ADGRB3: variants seen among roughly 807,000 people sequenced by gnomAD.
ADGRB3 encodes the protein adhesion G protein-coupled receptor B3, also known as brain-specific angiogenesis inhibitor 3.
In ADGRB3, 37 loss-of-function variants were observed where a neutral mutation model predicts 193.4. The observed-to-expected ratio is 0.19, with a 90% confidence interval of 0.15 to 0.25. The LOEUF (loss-of-function observed/expected upper bound fraction) is 0.25, where lower values mean the gene tolerates loss of function less well. Among genes scored for constraint, ADGRB3 ranks in the 10% least tolerant of loss-of-function variants. ADGRB3 has a pLI of 1.00. For synonymous variants in ADGRB3, 690 were observed against 644.2 expected (o/e 1.07, Z -1.08); for missense variants, 1,637 against 1,852.9 (o/e 0.88, Z 2.14).
intron 3 of ADGRB3, among the ~76,000 whole-genome samples, chr6:68,757,552 A>G (rs1302994716): frequency 6.6e-6 from 1 of 152,064 alleles, no homozygotes; most frequent in East Asian, 1.9e-4. Context: ...CTTATCTACC[A>G]GTGCTTTTAA....
At chr6:68,759,406 A>C (rs1454448522) in intron 3 of ADGRB3, among the ~76,000 whole-genome samples, 2 of 152,070 alleles carry the variant, frequency 1.3e-5, no homozygotes, top group Non-Finnish European at 2.9e-5. Context: ...TCAGTTCTTG[A>C]AAGATTATTT....
At chr6:68,655,026 C>G (rs957845840) in intron 3 of ADGRB3, among the ~76,000 whole-genome samples, 2 of 151,346 alleles carry the variant, frequency 1.3e-5, no homozygotes, top group Non-Finnish European at 3.0e-5. Flanking sequence ...GAGGAAGTCA[C>G]ATATATTATG....
At chr6:68,937,753 A>G (rs919688605) in intron 5 of ADGRB3, among the ~76,000 whole-genome samples, 17 of 152,166 alleles carry the variant, frequency 1.1e-4, no homozygotes, top group South Asian at 6.2e-4. Flanking sequence ...CCAGCAGAAT[A>G]TGCAAAGGGG....
intron 17 of ADGRB3, among the ~76,000 whole-genome samples, chr6:69,228,744 A>G (rs1766073650): frequency 1.3e-5 from 2 of 152,202 alleles, no homozygotes; most frequent in Non-Finnish European, 2.9e-5. Context: ...AAATCTTCTT[A>G]TAATTTCATA....
chr6:69,141,353 G>A (rs1374221313), intron 17 of ADGRB3, among the ~76,000 whole-genome samples: 3 of 152,010 alleles, frequency 2.0e-5, no homozygotes, highest in African/African-American at 7.2e-5. Flanking sequence ...TCGATCTGCT[G>A]ACCTCGTGAT....
chr6:68,922,081 T>C (rs1767059347), intron 3 of ADGRB3, among the ~76,000 whole-genome samples: 1 of 152,206 alleles, frequency 6.6e-6, no homozygotes, highest in Non-Finnish European at 1.5e-5. Context: ...AAGCACTGGC[T>C]TGTTAATTTA....
At chr6:69,206,427 A>C (rs1337882654) in intron 17 of ADGRB3, among the ~76,000 whole-genome samples, 1 of 152,096 alleles carries the variant, frequency 6.6e-6, no homozygotes, top group East Asian at 1.9e-4. Flanking sequence ...GTATTCTTCA[A>C]TTCAGTCAAA....
chr6:68,719,107 G>T (rs1214055197), intron 3 of ADGRB3, among the ~76,000 whole-genome samples: 2 of 151,766 alleles, frequency 1.3e-5, no homozygotes, highest in South Asian at 2.1e-4. Context: ...ATTGGTGAAA[G>T]GATGAAGAAT....
At position 69,048,291 on chromosome 6, in the gene ADGRB3, G is replaced by T. The variant is rs1463882498; in HGVS notation, c.2214G>T (p.Arg738Ser). 1.2e-6 allele frequency: 2 copies of T among 1,613,364 alleles called. No homozygotes were observed. The highest frequency in any genetic ancestry group is 1.7e-5 in the Admixed American group (1 of 59,970). Residue 738 changes from arginine to serine, a missense_variant, in exon 14 of 32, where the codon AGG (arginine) becomes AGT (serine). Physicochemically the swap from Arg to Ser is moderately radical, Grantham distance 110 (BLOSUM62 -1). This residue lies in a region of ADGRB3 where 641 missense variants were observed against 673.9 expected (regional missense o/e 0.95). Coordinates refer to ENST00000370598, the MANE Select transcript of ADGRB3 (RefSeq NM_001704.3). ...ACTGGGCAAGAAACTCAGAAGATAG[G>T]GTAGTAATTCCAAAAAGCATTTTCA... ...MVDWARNSEDRVVIPKSIFTP... is the reference protein window; with the variant it reads ...MVDWARNSEDSVVIPKSIFTP...
chr6:69,084,051 A>C (rs1164660325), intron 17 of ADGRB3, among the ~76,000 whole-genome samples: 3 of 152,102 alleles, frequency 2.0e-5, no homozygotes, highest in Middle Eastern at 3.2e-3. Context: ...CTGGGATTAC[A>C]GGCATGAGCC....
intron 3 of ADGRB3, among the ~76,000 whole-genome samples, chr6:68,831,187 A>G (rs1256146503): frequency 6.6e-6 from 1 of 151,788 alleles, no homozygotes; most frequent in Non-Finnish European, 1.5e-5. Context: ...GAGACACAAT[A>G]AAAAACGTGG....
At chr6:68,929,885 C>A (rs1211415062) in intron 3 of ADGRB3, among the ~76,000 whole-genome samples, 1 of 151,028 alleles carries the variant, frequency 6.6e-6, no homozygotes, top group African/African-American at 2.4e-5. Flanking sequence ...AATCAAATAA[C>A]AGAAGGCTAG....
intron 17 of ADGRB3, among the ~76,000 whole-genome samples, chr6:69,159,277 A>G (rs771922998): frequency 6.6e-6 from 1 of 152,134 alleles, no homozygotes; most frequent in Non-Finnish European, 1.5e-5. Flanking sequence ...GTTCCAAACT[A>G]AAACAAATGG....
intron 30 of ADGRB3, among the ~76,000 whole-genome samples, chr6:69,377,583 C>A (rs1409582742): frequency 4.6e-5 from 7 of 152,024 alleles, no homozygotes; most frequent in Non-Finnish European, 8.8e-5. Context: ...GTATAAAGTT[C>A]TAAGGCTGGA....
At chr6:68,782,343 G>T (rs1010547345) in intron 3 of ADGRB3, among the ~76,000 whole-genome samples, 1 of 151,718 alleles carries the variant, frequency 6.6e-6, no homozygotes, top group South Asian at 2.1e-4. Flanking sequence ...TGGTGTATAT[G>T]TGCCACATTT....
chr6:68,966,226 A>G (rs1768377378), intron 8 of ADGRB3, among the ~76,000 whole-genome samples: 2 of 152,136 alleles, frequency 1.3e-5, no homozygotes, highest in African/African-American at 2.4e-5. Flanking sequence ...GAATTAATCT[A>G]CATCCTATGA....
At chr6:69,098,000 A>T (rs1240461685) in intron 17 of ADGRB3, among the ~76,000 whole-genome samples, 2 of 152,328 alleles carry the variant, frequency 1.3e-5, no homozygotes, top group African/African-American at 2.4e-5. Context: ...TAGGTAAAAA[A>T]TAGGTTATTT....
chr6:69,057,565 G>C (rs1008091038), intron 15 of ADGRB3, among the ~76,000 whole-genome samples: 5 of 151,762 alleles, frequency 3.3e-5, no homozygotes, highest in African/African-American at 4.8e-5. Context: ...ATTAGATGTG[G>C]GTTTTGCATA....
rs1554252051 is a variant in ADGRB3, at chr6:69,043,293, A to AAAG, written c.2108-4889_2108-4887dup. 2.5e-3 allele frequency among the ~76,000 whole-genome samples: 44 copies of AAAG among 17,544 alleles called. 2 individuals are homozygous for AAAG. The highest frequency in any genetic ancestry group is 6.2e-3 in the African/African-American group (38 of 6,088). 11.5% of individuals were successfully genotyped at this position (17,544 alleles called of 152,430 possible). On this transcript the variant is annotated intron_variant, in intron 13 of 31. Transcript: ENST00000370598. ...AAGAAAAGGAAAGGAAGAAAGAGAG[A>AAAG]AAGAAAGAAAGAAAGAAAGAAAGAA...
Sources: allele counts gnomAD v4.1 joint callset (sites outside exome capture counted in the v4.1 genomes callset), GRCh38; gene constraint gnomAD v4.1.1; regional missense constraint gnomAD v4.1.1; transcripts MANE v1.5; gene names NCBI Gene and HGNC (gene_info 2026-07-23, HGNC 2026-07-21).